Variants in APIP observed in about 807,000 individuals in gnomAD.
APIP encodes the protein methylthioribulose-1-phosphate dehydratase.
In APIP, 32 loss-of-function variants were observed where a neutral mutation model predicts 32.0. The ratio of observed to expected loss-of-function variants is 1.00; its 90% CI spans 0.76 to 1.34. The LOEUF is 1.34. APIP is among the 40% of genes most tolerant of loss of function. The pLI is 0.00. For synonymous variants in APIP, 92 were observed against 94.8 expected (o/e 0.97, Z 0.17); for missense variants, 247 against 298.6 (o/e 0.83, Z 1.27).
At chr11:34,913,267 A>C (rs1853586544) in intron 1 of APIP, among the ~76,000 whole-genome samples, 2 of 152,208 alleles carry the variant, frequency 1.3e-5, no homozygotes, top group Non-Finnish European at 2.9e-5. Context: ...CAGGCCCTTT[A>C]GGTCTGGTCC....
At chr11:34,910,472 G>C (rs1853528549) in intron 1 of APIP, among the ~76,000 whole-genome samples, 1 of 152,160 alleles carries the variant, frequency 6.6e-6, no homozygotes, top group South Asian at 2.1e-4. Flanking sequence ...ATGCTAACGG[G>C]TAACATGAGG....
intron 1 of APIP, among the ~76,000 whole-genome samples, chr11:34,901,472 AAAGG>A (rs971375910): frequency 1.4e-4 from 22 of 152,090 alleles, no homozygotes; most frequent in African/African-American, 3.4e-4. Flanking sequence ...TCTGGAAATC[AAAGG>A]AAGGAAGGAA....
At chr11:34,890,480 G>A (rs1389725262) in intron 3 of APIP, 24 bp downstream of exon 3, 1 of 1,594,608 alleles carries the variant, frequency 6.3e-7, no homozygotes, top group Non-Finnish European at 8.5e-7. Flanking sequence ...AAGACACTGA[G>A]GTTAAAGAAT....
rs1308400640 is a variant in APIP, at chr11:34,895,046, A to T, written c.122T>A (p.Val41Asp). The T allele has an allele frequency of 6.2e-7, 1 of 1,614,144 alleles. No individual in the cohort carries two copies. The highest frequency in any genetic ancestry group is 1.7e-5 in the Admixed American group (1 of 60,016). ...GCTAATTCCTCCTCCAGTCCCAGTG[A>T]CCCAGCCTAAATGGTAAAACTGTTT... ...LCKQFYHLGWVTGTGGGISLK... is the reference protein window; with the variant it reads ...LCKQFYHLGWDTGTGGGISLK... Residue 41 changes from valine to aspartate, a missense_variant, in exon 2 of 7, where the codon GTC (valine) becomes GAC (aspartate). By Grantham distance (152) the Val-to-Asp change is radical. Transcript: ENST00000395787.
intron 2 of APIP, among the ~76,000 whole-genome samples, chr11:34,894,348 G>T: frequency 6.6e-6 from 1 of 151,534 alleles, no homozygotes; most frequent in South Asian, 2.1e-4. Context: ...GATTTTTAAT[G>T]ATTAGTCATC....
chr11:34,912,963 TC>T (rs951233727), intron 1 of APIP, among the ~76,000 whole-genome samples: 12 of 152,192 alleles, frequency 7.9e-5, no homozygotes, highest in African/African-American at 2.9e-4. Flanking sequence ...AACTGTTTCT[TC>T]CTCCTGTATT....
intron 1 of APIP, among the ~76,000 whole-genome samples, chr11:34,901,866 C>T (rs1230338941): frequency 6.6e-6 from 1 of 152,148 alleles, no homozygotes; most frequent in Non-Finnish European, 1.5e-5. Flanking sequence ...CACTTCTTTT[C>T]CTAACCAGAG....
chr11:34,882,963 C>T (rs992983485), intron 6 of APIP, 147 bp from the exon 7 acceptor site: 2 of 567,096 alleles, frequency 3.5e-6, no homozygotes, highest in African/African-American at 3.9e-5. Flanking sequence ...TTCTATTTTT[C>T]CCTCAACATT....
At chr11:34,889,881 A>G (rs1853157508) in intron 3 of APIP, among the ~76,000 whole-genome samples, 1 of 152,160 alleles carries the variant, frequency 6.6e-6, no homozygotes, top group African/African-American at 2.4e-5. Context: ...TCGCCAGTCT[A>G]CTGTTGATGG....
chr11:34,902,739 C>A (rs1490363302), intron 1 of APIP, among the ~76,000 whole-genome samples: 2 of 152,202 alleles, frequency 1.3e-5, no homozygotes, highest in African/African-American at 4.8e-5. Flanking sequence ...TAAAGCAAGC[C>A]TTGCTCAAGG....
At chr11:34,888,038 T>C (rs1430951741) in intron 5 of APIP, among the ~76,000 whole-genome samples, 1 of 152,094 alleles carries the variant, frequency 6.6e-6, no homozygotes, top group African/African-American at 2.4e-5. Flanking sequence ...TCAGTCAAGA[T>C]TTTTTTCAGT....
intron 2 of APIP, among the ~76,000 whole-genome samples, chr11:34,893,743 A>G (rs1371137018): frequency 6.6e-6 from 1 of 152,214 alleles, no homozygotes; most frequent in Non-Finnish European, 1.5e-5. Context: ...TGAAAATTTC[A>G]TGAGTTAACT....
At chr11:34,891,371 C>T (rs78476784) in intron 2 of APIP, among the ~76,000 whole-genome samples, 1,626 of 152,256 alleles carry the variant, frequency 0.011, 29 homozygotes, top group African/African-American at 0.037. Context: ...TTTCTCTTCT[C>T]GCTGGATATC....
At chr11:34,905,291 C>G (rs1429843806) in intron 1 of APIP, among the ~76,000 whole-genome samples, 1 of 99,322 alleles carries the variant, frequency 1.0e-5, no homozygotes. Context: ...CTGCCATGGT[C>G]CATTTGTACA....
At position 34,883,481 on chromosome 11, in the gene APIP, G is replaced by A; in HGVS notation, c.485C>T (p.Pro162Leu). The A allele has an allele frequency of 6.2e-7, 1 of 1,613,052 alleles. No individual in the cohort carries two copies. Residue 162 changes from proline to leucine, a missense_variant, in exon 6 of 7, where the codon CCC (proline) becomes CTC (leucine). Physicochemically the swap from Pro to Leu is moderately conservative, Grantham distance 98 (BLOSUM62 -3). Transcript: ENST00000395787. The part of the protein sequence containing the change: ...YYRYDDMLVV[P>L]IIENTPEEKD... Reference sequence around the variant, plus strand: ...CTCCTCAGGTGTATTCTCAATAATGGGTACCACTAACATATCATCATATCT... The same window carrying A: ...CTCCTCAGGTGTATTCTCAATAATGAGTACCACTAACATATCATCATATCT...
At chr11:34,894,467 CA>C (rs57079015) in intron 2 of APIP, among the ~76,000 whole-genome samples, 4,689 of 86,050 alleles carry the variant, frequency 0.054, 75 homozygotes, top group African/African-American at 0.11. Context: ...CCAGTCTCTA[CA>C]AAAAAAAAAA....
intron 1 of APIP, among the ~76,000 whole-genome samples, chr11:34,898,485 C>A (rs2133914282): frequency 6.6e-6 from 1 of 152,314 alleles, no homozygotes; most frequent in South Asian, 2.1e-4. Flanking sequence ...GGGTCGGACC[C>A]AGCCTCCAAC....
At chr11:34,889,658 C>T (rs1184398268) in intron 3 of APIP, among the ~76,000 whole-genome samples, 1 of 151,990 alleles carries the variant, frequency 6.6e-6, no homozygotes, top group East Asian at 1.9e-4. Flanking sequence ...CCAGTAGGTC[C>T]CAGTGTGTAT....
At chr11:34,887,122 T>A (rs1428354752) in intron 5 of APIP, among the ~76,000 whole-genome samples, 1 of 152,168 alleles carries the variant, frequency 6.6e-6, no homozygotes, top group African/African-American at 2.4e-5. Context: ...TGTTAATGAC[T>A]CTATTACTCA....
Sources: allele counts gnomAD v4.1 joint callset (sites outside exome capture counted in the v4.1 genomes callset), GRCh38; gene constraint gnomAD v4.1.1; transcripts MANE v1.5; gene names NCBI Gene and HGNC (gene_info 2026-07-23, HGNC 2026-07-21).